The following TESK2 variants were observed in gnomAD, a reference collection of about 807,000 sequenced individuals.
TESK2 encodes testis associated actin remodelling kinase 2, also known as dual specificity testis-specific protein kinase 2.
In TESK2, 39 loss-of-function variants were observed where a neutral mutation model predicts 57.1. The observed-to-expected ratio is 0.68, with a 90% CI of 0.53 to 0.89. The LOEUF (loss-of-function observed/expected upper bound fraction) is 0.89. Among genes scored for constraint, TESK2 ranks in the 40% least tolerant of loss-of-function variants. TESK2 has a pLI of 0.00. For missense variants in TESK2, 646 were observed against 732.1 expected (o/e 0.88, Z 1.36); for synonymous variants, 249 against 267.9 (o/e 0.93, Z 0.69).
At chr1:45,376,411 G>T (rs1046211924) in intron 4 of TESK2, among the ~76,000 whole-genome samples, 2 of 151,046 alleles carry the variant, frequency 1.3e-5, no homozygotes, top group Admixed American at 1.3e-4. Context: ...TAGAGACAGG[G>T]TTTCACCATG....
intron 2 of TESK2, among the ~76,000 whole-genome samples, chr1:45,434,959 C>CTTTTTTTTTTTTTTTTTTT (rs60515365): frequency 2.1e-5 from 3 of 140,450 alleles, no homozygotes; most frequent in African/African-American, 5.2e-5. Context: ...ACTTTTCTTT[C>CTTTTTTTTTTTTTTTTTTT]TTTTTTTTTT....
intron 4 of TESK2, among the ~76,000 whole-genome samples, chr1:45,365,677 CT>C (rs34671575): frequency 0.23 from 24,969 of 106,564 alleles, 2,292 homozygotes; most frequent in Admixed American, 0.33. Flanking sequence ...CCACGCCCGG[CT>C]TTTTTTTTTT....
chr1:45,433,031 T>C (rs1192617158), intron 2 of TESK2, among the ~76,000 whole-genome samples: 1 of 148,674 alleles, frequency 6.7e-6, no homozygotes, highest in Non-Finnish European at 1.5e-5. Context: ...CCCAAAGTGC[T>C]AGGATTACAA....
intron 1 of TESK2, among the ~76,000 whole-genome samples, chr1:45,473,239 C>T (rs1489827169): frequency 6.6e-6 from 1 of 151,684 alleles, no homozygotes; most frequent in East Asian, 1.9e-4. Context: ...TCCTACCATG[C>T]ACCAAAGCCC....
At chr1:45,455,702 T>C (rs990259261) in intron 2 of TESK2, among the ~76,000 whole-genome samples, 51 of 152,310 alleles carry the variant, frequency 3.3e-4, no homozygotes, top group African/African-American at 1.0e-3. Context: ...TAAATGTAAT[T>C]AATGACACTG....
chr1:45,433,324 C>T (rs1015388749), intron 2 of TESK2, among the ~76,000 whole-genome samples: 3 of 151,978 alleles, frequency 2.0e-5, no homozygotes, highest in Non-Finnish European at 4.4e-5. Context: ...AGTGATCTGC[C>T]CTCCTTGGCC....
intron 1 of TESK2, among the ~76,000 whole-genome samples, chr1:45,487,993 C>T (rs1021163760): frequency 1.3e-5 from 2 of 151,336 alleles, no homozygotes; most frequent in Non-Finnish European, 2.9e-5. Context: ...TGACTCCCTG[C>T]AACCTCAGCC....
chr1:45,388,887 A>C lies in TESK2; in HGVS notation c.345-2927T>G, dbSNP rs1314209498. 2.0e-5 allele frequency among the ~76,000 whole-genome samples: 3 copies of C among 151,920 alleles called. No individual in the cohort carries two copies. The East Asian group carries it at 5.8e-4, about 29-fold the overall frequency. On this transcript the variant is annotated intron_variant, in intron 3 of 10. Coordinates refer to ENST00000372086, the MANE Select transcript of TESK2 (RefSeq NM_007170.3). Reference sequence around the variant, plus strand: ...AGGCGCCCGCCACCACGCCCGGCTAATTTTTTGTATGTTTAGTAGGGACGG... The same window carrying C: ...AGGCGCCCGCCACCACGCCCGGCTACTTTTTTGTATGTTTAGTAGGGACGG...
intron 4 of TESK2, among the ~76,000 whole-genome samples, chr1:45,363,744 G>A (rs1647792884): frequency 6.6e-6 from 1 of 151,782 alleles, no homozygotes; most frequent in Admixed American, 6.6e-5. Flanking sequence ...TTCTGTATAA[G>A]TAGGGGAGAA....
intron 4 of TESK2, among the ~76,000 whole-genome samples, chr1:45,376,298 C>T (rs936219927): frequency 6.2e-5 from 9 of 145,176 alleles, no homozygotes; most frequent in Admixed American, 3.6e-4. Context: ...GCTTTGTAGC[C>T]TCTGCCTCCA....
At chr1:45,477,239 G>GA (rs1161318586) in intron 1 of TESK2, among the ~76,000 whole-genome samples, 183 of 138,304 alleles carry the variant, frequency 1.3e-3, no homozygotes, top group Middle Eastern at 7.9e-3. Context: ...TCTCAAAAAA[G>GA]AAAAAAAAAA....
chr1:45,400,317 C>T (rs1331551735), intron 3 of TESK2, among the ~76,000 whole-genome samples: 1 of 152,188 alleles, frequency 6.6e-6, no homozygotes, highest in South Asian at 2.1e-4. Context: ...ATGGATTCTC[C>T]TCTAGAGCCT....
At chr1:45,432,203 G>C (rs1027727527) in intron 2 of TESK2, among the ~76,000 whole-genome samples, 2 of 151,846 alleles carry the variant, frequency 1.3e-5, no homozygotes, top group Non-Finnish European at 2.9e-5. Flanking sequence ...TGTCTCTACA[G>C]AAATAAAAAT....
At chr1:45,440,715 CAAAA>C (rs557852510) in intron 2 of TESK2, among the ~76,000 whole-genome samples, 2,576 of 128,662 alleles carry the variant, frequency 0.02, 68 homozygotes, top group African/African-American at 0.062. Context: ...GACTCGGTCT[CAAAA>C]AAAAAAAACA....
Position 45,343,896 on chromosome 1 carries a change from G to A in TESK2, c.*944C>T. 1 of 492,480 alleles carries A rather than the reference G, an allele frequency of 2.0e-6. No homozygotes were observed. The highest frequency in any genetic ancestry group is 3.2e-5 in the East Asian group (1 of 31,480). 30.5% of individuals were successfully genotyped at this position (492,480 alleles called of 1,614,324 possible). A position where few individuals can be genotyped will look rare whatever the true frequency, so the allele number is the denominator to read the frequency against. On this transcript the variant is annotated 3_prime_UTR_variant, in exon 11 of 11. Transcript: ENST00000372086. This position sits in a 1 kb window ranked among gnomAD's most constrained non-coding sequence, Gnocchi z 4.3. ...AAGGCTGACCAGCACCTGTAACACT[G>A]ACTTTATTTTTAAGTCTGAAAATGT...
At position 45,465,414 on chromosome 1, in the gene TESK2, AAGAG is replaced by A. The variant is rs35969225; in HGVS notation, c.-86-7547_-86-7544del. On this transcript the variant is annotated intron_variant, in intron 1 of 10. Coordinates refer to ENST00000372086, the MANE Select transcript of TESK2 (RefSeq NM_007170.3). ...TGACAGAGTGAGACTCCAAAAAAGA[AAGAG>A]AGAGAGAGAGAGAGAGAGAAAGAGA... is the stretch of plus-strand genomic sequence containing the variant. Among the ~76,000 whole-genome samples the A allele has an allele frequency of 7.6e-4, 107 of 140,140 alleles. 1 individual carries two copies. Among genetic ancestry groups the A allele is most frequent in the South Asian group, 7.6e-3 (33 of 4,330 alleles). The allele number at this position is 140,140 out of a possible 152,430, so 91.9% of individuals were successfully genotyped here. A position where few individuals can be genotyped will look rare whatever the true frequency, so the allele number is the denominator to read the frequency against.
chr1:45,413,776 C>A, intron 3 of TESK2: 1 of 453,792 alleles, frequency 2.2e-6, no homozygotes, highest in Non-Finnish European at 4.4e-6. Context: ...CCTGAGAAGG[C>A]ACATCTGTGT....
At chr1:45,410,790 A>C (rs1435420484) in intron 3 of TESK2, among the ~76,000 whole-genome samples, 1 of 151,436 alleles carries the variant, frequency 6.6e-6, no homozygotes, top group Non-Finnish European at 1.5e-5. Flanking sequence ...TTTAACATAC[A>C]TGGTCTCACT....
Position 45,344,476 on chromosome 1 carries a change from A to C in TESK2, c.*364T>G, listed in dbSNP as rs1647109784. The stretch of plus-strand genomic sequence containing the variant: ...TCAGTAGCTTATATGCCCCAAGAAA[A>C]GGCAAGAGACAGACCTGGGGTGGGG... On this transcript the variant is annotated 3_prime_UTR_variant, in exon 11 of 11. Transcript: ENST00000372086. The C allele has an allele frequency of 4.5e-6, 1 of 221,718 alleles. No individual in the cohort carries two copies. Among genetic ancestry groups the C allele is most frequent in the Non-Finnish European group, 9.0e-6 (1 of 111,430 alleles). The allele number at this position is 221,718 out of a possible 1,614,324, so 13.7% of individuals were successfully genotyped here.
Sources: allele counts gnomAD v4.1 joint callset (sites outside exome capture counted in the v4.1 genomes callset), GRCh38; gene constraint gnomAD v4.1.1; non-coding constraint Gnocchi (gnomAD v3.1); transcripts MANE v1.5; gene names NCBI Gene and HGNC (gene_info 2026-07-23, HGNC 2026-07-21).